The following TENT2 variants were observed in gnomAD, a reference collection of about 807,000 sequenced individuals.
TENT2 encodes poly(A) RNA polymerase GLD2.
TENT2 carries 44 observed loss-of-function variants against 72.2 expected under a neutral mutation model. The observed-to-expected ratio is 0.61, with a 90% confidence interval of 0.48 to 0.78. TENT2 has a LOEUF of 0.78. Among genes scored for constraint, TENT2 ranks in the 30% least tolerant of loss-of-function variants. The pLI is 0.00. For missense variants in TENT2, 541 were observed against 569.6 expected (o/e 0.95, Z 0.51); for synonymous variants, 212 against 192.5 (o/e 1.10, Z -0.84).
At chr5:79,662,770 T>C (rs1412589550) in intron 11 of TENT2, among the ~76,000 whole-genome samples, 2 of 152,160 alleles carry the variant, frequency 1.3e-5, no homozygotes, top group African/African-American at 4.8e-5. Context: ...GATTTTGGAA[T>C]GGTATATAAG....
intron 12 of TENT2, 88 bp downstream of exon 12, chr5:79,669,116 A>T: frequency 7.0e-7 from 1 of 1,434,674 alleles, no homozygotes; most frequent in Non-Finnish European, 9.4e-7. Context: ...ATATAAGTAA[A>T]TGCTACAGAT....
At chr5:79,677,650 A>G (rs1188985330) in intron 12 of TENT2, among the ~76,000 whole-genome samples, 1 of 152,236 alleles carries the variant, frequency 6.6e-6, no homozygotes, top group African/African-American at 2.4e-5. Flanking sequence ...TTGTTAATAA[A>G]TTTGACTTAA....
rs1826486873 is a variant in TENT2, at chr5:79,687,735, T to A, written c.*2462T>A. Reference sequence around the variant, plus strand: ...GGTTGACTGTATTTGCATATGTTGTTAAAGTGGTGTTTAAAATGTGCAATC... The same window carrying A: ...GGTTGACTGTATTTGCATATGTTGTAAAAGTGGTGTTTAAAATGTGCAATC... On this transcript the variant is annotated 3_prime_UTR_variant, in exon 15 of 15. Transcript: ENST00000453514. Among the ~76,000 whole-genome samples the A allele has an allele frequency of 6.6e-6, 1 of 152,228 alleles. No homozygotes were observed. The highest frequency in any genetic ancestry group is 1.5e-5 in the Non-Finnish European group (1 of 68,040).
intron 13 of TENT2, 68 bp from the exon 14 acceptor site, chr5:79,681,914 A>C: frequency 7.4e-7 from 1 of 1,347,254 alleles, no homozygotes; most frequent in Non-Finnish European, 1.0e-6. Context: ...GACAGTATCA[A>C]ACCTAAAAAA....
intron 14 of TENT2, among the ~76,000 whole-genome samples, chr5:79,682,643 A>G (rs1822970295): frequency 6.6e-6 from 1 of 152,074 alleles, no homozygotes; most frequent in Non-Finnish European, 1.5e-5. Flanking sequence ...ATAAAACCTA[A>G]TGGACTCTTT....
At position 79,627,207 on chromosome 5, in the gene TENT2, A is replaced by AT. The variant is rs199597898; in HGVS notation, c.465+3719dup. Among the ~76,000 whole-genome samples, 1,081 of 151,968 alleles carry AT rather than the reference A, an allele frequency of 7.1e-3. 17 individuals carry two copies. The highest frequency in any genetic ancestry group is 0.024 in the African/African-American group (1,012 of 41,446). Reference sequence around the variant, plus strand: ...CCTGTTTTCTATGGAATTTATAATGATAAACTATTGAAAGCTCTCTATTTT... The same window carrying AT: ...CCTGTTTTCTATGGAATTTATAATGATTAAACTATTGAAAGCTCTCTATTTT... On this transcript the variant is annotated intron_variant, in intron 4 of 14. Coordinates refer to ENST00000453514, the MANE Select transcript of TENT2 (RefSeq NM_001114394.3).
chr5:79,645,224 T>C, intron 8 of TENT2, 32 bp downstream of exon 8: 1 of 1,527,682 alleles, frequency 6.5e-7, no homozygotes, highest in Non-Finnish European at 9.0e-7. Context: ...TTTTTTTAGT[T>C]CCTTTAGATC....
Position 79,640,255 on chromosome 5 carries a change from CAA to C in TENT2, c.466-581_466-580del, listed in dbSNP as rs35865367. Reference sequence around the variant, plus strand: ...TAGGTGACAGAGTAAGACTCCGTCTCAAAAAAAAAAAAAAAAGGTGGTAAGTC... The same window carrying C: ...TAGGTGACAGAGTAAGACTCCGTCTCAAAAAAAAAAAAAAGGTGGTAAGTC... On this transcript the variant is annotated intron_variant, in intron 4 of 14. Coordinates refer to ENST00000453514, the MANE Select transcript of TENT2 (RefSeq NM_001114394.3). 8.5e-3 allele frequency among the ~76,000 whole-genome samples: 868 copies of C among 101,704 alleles called. 4 individuals are homozygous for C. Among genetic ancestry groups the C allele is most frequent in the African/African-American group, 0.015 (488 of 32,506 alleles). 66.7% of individuals were successfully genotyped at this position (101,704 alleles called of 152,430 possible). A position where few individuals can be genotyped will look rare whatever the true frequency, so the allele number is the denominator to read the frequency against.
At chr5:79,664,060 G>GGTAT in intron 11 of TENT2, among the ~76,000 whole-genome samples, 1 of 152,064 alleles carries the variant, frequency 6.6e-6, no homozygotes, top group East Asian at 2.0e-4. Flanking sequence ...TGTTGTATTA[G>GGTAT]GTATTGTAAG....
chr5:79,663,165 G>A (rs746413284), intron 11 of TENT2, among the ~76,000 whole-genome samples: 2 of 152,184 alleles, frequency 1.3e-5, no homozygotes, highest in Non-Finnish European at 2.9e-5. Flanking sequence ...ATTGAAGAGA[G>A]AGTCTTGCTC....
At chr5:79,639,523 G>A (rs921714589) in intron 4 of TENT2, among the ~76,000 whole-genome samples, 1 of 151,126 alleles carries the variant, frequency 6.6e-6, no homozygotes, top group Non-Finnish European at 1.5e-5. Flanking sequence ...TGTAGGACAA[G>A]TATTAGAACA....
At chr5:79,677,606 T>C (rs950766031) in intron 12 of TENT2, among the ~76,000 whole-genome samples, 2 of 152,242 alleles carry the variant, frequency 1.3e-5, no homozygotes, top group African/African-American at 4.8e-5. Flanking sequence ...TAATCTGTTA[T>C]TAGAAAACAA....
intron 10 of TENT2, among the ~76,000 whole-genome samples, chr5:79,655,473 G>A (rs1227005825): frequency 6.6e-6 from 1 of 151,876 alleles, no homozygotes; most frequent in African/African-American, 2.4e-5. Flanking sequence ...TATATTTTTA[G>A]TATACTAGAG....
intron 11 of TENT2, among the ~76,000 whole-genome samples, chr5:79,659,552 AAATGTATAT>A (rs1800657923): frequency 1.7e-5 from 1 of 57,820 alleles, no homozygotes; most frequent in African/African-American, 1.4e-4. Context: ...AAAAAAAAAA[AAATGTATAT>A]ATATATATAT....
At chr5:79,651,926 C>G (rs1794452878) in intron 10 of TENT2, among the ~76,000 whole-genome samples, 1 of 152,074 alleles carries the variant, frequency 6.6e-6, no homozygotes, top group African/African-American at 2.4e-5. Flanking sequence ...TATACTCTGT[C>G]CTGTTACTTA....
At chr5:79,635,160 A>G (rs546437877) in intron 4 of TENT2, among the ~76,000 whole-genome samples, 6 of 152,326 alleles carry the variant, frequency 3.9e-5, no homozygotes, top group South Asian at 2.1e-4. Context: ...TTTAAGAACT[A>G]TAACAACAGT....
intron 11 of TENT2, among the ~76,000 whole-genome samples, chr5:79,658,034 GTTA>G (rs1446648598): frequency 2.0e-5 from 3 of 152,186 alleles, no homozygotes; most frequent in African/African-American, 4.8e-5. Flanking sequence ...TTGAACATAA[GTTA>G]TTATTGTAAT....
intron 7 of TENT2, among the ~76,000 whole-genome samples, chr5:79,644,127 G>A (rs756973196): frequency 6.6e-6 from 1 of 151,888 alleles, no homozygotes; most frequent in Admixed American, 6.6e-5. Flanking sequence ...GATTACAGGT[G>A]TGTGCCACCT....
chr5:79,658,076 C>T (rs1052726872), intron 11 of TENT2, among the ~76,000 whole-genome samples: 5 of 152,120 alleles, frequency 3.3e-5, no homozygotes, highest in East Asian at 1.9e-4. Flanking sequence ...GGATAATAAA[C>T]GTTCATTTTA....
Sources: gnomAD v4.1 joint callset for allele counts (sites outside exome capture counted in the v4.1 genomes callset) on GRCh38, gnomAD v4.1.1 for gene constraint, MANE v1.5 for transcripts, NCBI Gene and HGNC (gene_info 2026-07-23, HGNC 2026-07-21) for gene names.